The following COL5A2 variants were observed in gnomAD, a reference collection of about 807,000 sequenced individuals.
COL5A2 encodes the protein collagen alpha-2(V) chain.
COL5A2 carries 23 observed loss-of-function variants against 208.2 expected under a neutral mutation model. The ratio of observed to expected loss-of-function variants is 0.11; its 90% CI spans 0.08 to 0.16. The LOEUF (loss-of-function observed/expected upper bound fraction) is 0.16, where lower values mean the gene tolerates loss of function less well. Ranked by LOEUF, COL5A2 falls within the 10% of genes least tolerant of loss-of-function variation. COL5A2 has a pLI of 1.00. For synonymous variants in COL5A2, 625 were observed against 628.5 expected (o/e 0.99, Z 0.08); for missense variants, 1,590 against 1,956.4 (o/e 0.81, Z 3.53).
the COL5A2 span, among the ~76,000 whole-genome samples, chr2:189,255,438 A>C: frequency 1.3e-5 from 2 of 152,200 alleles, no homozygotes; most frequent in African/African-American, 2.4e-5. Flanking sequence ...CCCAACATCC[A>C]AAATCTCTTT....
chr2:189,042,410 T>A (rs575543185), intron 49 of COL5A2, among the ~76,000 whole-genome samples: 1 of 152,272 alleles, frequency 6.6e-6, no homozygotes, highest in Admixed American at 6.5e-5. Context: ...TGCTATTACA[T>A]CATCTCAAAA....
At chr2:189,213,182 G>A (rs769641246) in intron 1 of COL5A2, among the ~76,000 whole-genome samples, 8 of 151,912 alleles carry the variant, frequency 5.3e-5, no homozygotes, top group Non-Finnish European at 7.4e-5. Context: ...GAGTCACCAC[G>A]CCCTGCCTTA....
the COL5A2 span, among the ~76,000 whole-genome samples, chr2:189,339,224 G>A: frequency 0.051 from 7,690 of 151,994 alleles, 246 homozygotes; most frequent in African/African-American, 0.081. Context: ...GGAGGCATGC[G>A]CCTGTAATCC....
intron 1 of COL5A2, among the ~76,000 whole-genome samples, chr2:189,222,877 T>C (rs1156539242): frequency 6.6e-6 from 1 of 152,182 alleles, no homozygotes; most frequent in South Asian, 2.1e-4. Context: ...ATCTCAAGAC[T>C]AGAGTAAGCC....
the COL5A2 span, among the ~76,000 whole-genome samples, chr2:189,241,572 G>T: frequency 6.6e-6 from 1 of 152,194 alleles, no homozygotes; most frequent in Non-Finnish European, 1.5e-5. Flanking sequence ...TGTAGTCCCA[G>T]CTATTTGGGA....
chr2:189,258,733 G>A, the COL5A2 span, among the ~76,000 whole-genome samples: 2 of 152,124 alleles, frequency 1.3e-5, no homozygotes, highest in Non-Finnish European at 2.9e-5. Flanking sequence ...TCACCTAAAA[G>A]AGGAAGGACA....
chr2:189,283,205 GAGGAAAGA>G, the COL5A2 span, among the ~76,000 whole-genome samples: 85 of 151,584 alleles, frequency 5.6e-4, no homozygotes, highest in African/African-American at 1.6e-3. Context: ...GGAAGAAAGG[GAGGAAAGA>G]AGGAAAGAAG....
chr2:189,395,663 G>A, the COL5A2 span, among the ~76,000 whole-genome samples: 3 of 151,906 alleles, frequency 2.0e-5, no homozygotes, highest in Non-Finnish European at 4.4e-5. Flanking sequence ...TACTATTTTG[G>A]GAAGCTGAGG....
At chr2:189,370,726 A>C in the COL5A2 span, among the ~76,000 whole-genome samples, 1 of 152,200 alleles carries the variant, frequency 6.6e-6, no homozygotes, top group Non-Finnish European at 1.5e-5. Context: ...TCATAGGCCC[A>C]AAACGTATTT....
At chr2:189,266,185 T>C in the COL5A2 span, among the ~76,000 whole-genome samples, 2 of 152,162 alleles carry the variant, frequency 1.3e-5, no homozygotes, top group Non-Finnish European at 2.9e-5. Flanking sequence ...CCCAGCACTT[T>C]GGTAGGCAGA....
At chr2:189,378,376 A>G in the COL5A2 span, among the ~76,000 whole-genome samples, 1 of 152,224 alleles carries the variant, frequency 6.6e-6, no homozygotes, top group Non-Finnish European at 1.5e-5. Context: ...AAGTTCCCTG[A>G]AAAACAAGGT....
At chr2:189,047,000 C>T (rs1685683182) in intron 45 of COL5A2, among the ~76,000 whole-genome samples, 1 of 151,636 alleles carries the variant, frequency 6.6e-6, no homozygotes, top group African/African-American at 2.4e-5. Flanking sequence ...CACATGCCTG[C>T]AGTCCCAGCT....
chr2:189,289,042 A>G, the COL5A2 span, among the ~76,000 whole-genome samples: 3 of 152,196 alleles, frequency 2.0e-5, no homozygotes, highest in African/African-American at 7.2e-5. Flanking sequence ...TAGGTATAAA[A>G]GAAATGTACC....
chr2:189,197,627 G>T (rs1689021754), intron 1 of COL5A2, among the ~76,000 whole-genome samples: 1 of 151,384 alleles, frequency 6.6e-6, no homozygotes, highest in Admixed American at 6.6e-5. Flanking sequence ...GTCCATTTAG[G>T]TTAATTTATT....
At chr2:189,075,720 A>T (rs1686389767) in intron 16 of COL5A2, among the ~76,000 whole-genome samples, 1 of 152,196 alleles carries the variant, frequency 6.6e-6, no homozygotes, top group Non-Finnish European at 1.5e-5. Flanking sequence ...ATCTTCTAAC[A>T]TATGAACTCA....
At chr2:189,045,129 A>C in intron 47 of COL5A2, 50 bp downstream of exon 47, 1 of 1,277,142 alleles carries the variant, frequency 7.8e-7, no homozygotes, top group Non-Finnish European at 1.1e-6. Context: ...CTTTGGGAGT[A>C]TATTTTATAT....
Position 189,032,747 on chromosome 2 carries a change from G to C in COL5A2, c.*1323C>G, listed in dbSNP as rs1188897001. On this transcript the variant is annotated 3_prime_UTR_variant, in exon 54 of 54. Transcript: ENST00000374866. ...AAAGCATTCCAGATACAGTATGACA[G>C]AGGAACAGTGAACAAGCATTGGAAC... The C allele has an allele frequency of 6.6e-6, 1 of 152,602 alleles. No individual in the cohort carries two copies. The highest frequency in any genetic ancestry group is 1.5e-5 in the Non-Finnish European group (1 of 68,014). 9.5% of individuals were successfully genotyped at this position (152,602 alleles called of 1,614,324 possible).
chr2:189,293,714 AGACACTGAATTTACT>A, the COL5A2 span, among the ~76,000 whole-genome samples: 1 of 152,200 alleles, frequency 6.6e-6, no homozygotes, highest in Non-Finnish European at 1.5e-5. Flanking sequence ...AGTCCTCACC[AGACACTGAATTTACT>A]GGTGCCTTTT....
chr2:189,264,154 T>C, the COL5A2 span, among the ~76,000 whole-genome samples: 7 of 152,166 alleles, frequency 4.6e-5, no homozygotes, highest in Admixed American at 4.6e-4. Context: ...TAAGATACAA[T>C]TTATAATAGC....
Sources: allele counts gnomAD v4.1 joint callset (sites outside exome capture counted in the v4.1 genomes callset), GRCh38; gene constraint gnomAD v4.1.1; transcripts MANE v1.5; gene names NCBI Gene and HGNC (gene_info 2026-07-23, HGNC 2026-07-21).